Variants in TNC observed in about 807,000 individuals in gnomAD.
TNC encodes tenascin.
Under a neutral mutation model 202.4 loss-of-function variants are expected in TNC, and 109 were observed. That is an observed-to-expected ratio of 0.54 (90% CI 0.46 to 0.63). TNC has a LOEUF of 0.63. Among genes scored for constraint, TNC ranks in the 30% least tolerant of loss-of-function variants. The pLI, the probability that TNC is intolerant of heterozygous loss-of-function variation, is 0.00. For synonymous variants in TNC, 1,007 were observed against 1,089.7 expected (o/e 0.92, Z 1.50); for missense variants, 2,756 against 2,833.3 (o/e 0.97, Z 0.62).
chr9:115,051,309 C>T (rs1009993565), intron 15 of TNC, among the ~76,000 whole-genome samples: 1 of 152,026 alleles, frequency 6.6e-6, no homozygotes, highest in Admixed American at 6.6e-5. Flanking sequence ...ATCTTCCAAC[C>T]CCGATCACAT....
chr9:115,082,460 G>A (rs953750125), intron 5 of TNC, among the ~76,000 whole-genome samples: 31 of 152,146 alleles, frequency 2.0e-4, no homozygotes, highest in African/African-American at 7.0e-4. Flanking sequence ...GAACCTTGAG[G>A]TGACAACTTC....
chr9:115,104,764 A>G (rs1836487308), intron 1 of TNC, among the ~76,000 whole-genome samples: 1 of 152,180 alleles, frequency 6.6e-6, no homozygotes, highest in African/African-American at 2.4e-5. Context: ...AAAGAGTAAT[A>G]GTGTAGAGGT....
At position 115,100,658 on chromosome 9, in the gene TNC, C is replaced by T. The variant is rs58241733; in HGVS notation, c.-136-9504G>A. On this transcript the variant is annotated intron_variant, in intron 1 of 27. Transcript: ENST00000350763. ...TTCAAAAAGGAGTGCATATGTACGGCATGGTGACTACAGTTAATAATAATG... is the reference window on the plus strand; with the variant it reads ...TTCAAAAAGGAGTGCATATGTACGGTATGGTGACTACAGTTAATAATAATG... Among the ~76,000 whole-genome samples the T allele has an allele frequency of 1.6e-4, 25 of 152,214 alleles. No homozygotes were observed. The East Asian group carries it at 4.3e-3, about 26-fold the overall frequency.
Position 115,064,833 on chromosome 9 carries a change from A to G in TNC, c.3301T>C (p.Tyr1101His). The G allele has an allele frequency of 6.2e-7, 1 of 1,614,172 alleles. No homozygotes were observed. The change falls in exon 11 of 28, where the codon TAT becomes CAT. Residue 1101 changes from tyrosine (Y) to histidine (H), a missense_variant. Physicochemically the swap from Tyr to His is moderately conservative, Grantham distance 83. Coordinates refer to ENST00000350763, the MANE Select transcript of TNC (RefSeq NM_002160.4). ...TGCACCTGAATGATAAAGTGCTCATAGGCCTGGTCAGCTGCGGTCCAGTTG... is the reference window on the plus strand; with the variant it reads ...TGCACCTGAATGATAAAGTGCTCATGGGCCTGGTCAGCTGCGGTCCAGTTG... ...RLNWTAADQA[Y>H]EHFIIQVQEA...
At chr9:115,042,731 A>G (rs1476492905) in intron 17 of TNC, among the ~76,000 whole-genome samples, 1 of 152,186 alleles carries the variant, frequency 6.6e-6, no homozygotes, top group Non-Finnish European at 1.5e-5. Context: ...TGACAACTGT[A>G]CAGTTCTTTG....
chr9:115,068,147 C>T (rs1248122688), intron 10 of TNC, among the ~76,000 whole-genome samples: 1 of 152,198 alleles, frequency 6.6e-6, no homozygotes, highest in Non-Finnish European at 1.5e-5. Flanking sequence ...AAATGACATA[C>T]TGTGGACTTA....
In TNC at chr9:115,042,308, TC is replaced by T. The variant is rs1564427242; in HGVS notation, c.5158del (p.Asp1720ThrfsTer36). 6.2e-7 allele frequency: 1 copy of T among 1,614,112 alleles called. No homozygotes were observed. The highest frequency in any genetic ancestry group is 2.2e-5 in the East Asian group (1 of 44,862). On this transcript the variant is annotated frameshift_variant, in exon 18 of 28. Coordinates refer to ENST00000350763, the MANE Select transcript of TNC (RefSeq NM_002160.4). LOFTEE classifies it high-confidence loss of function. ...GACAGTAGCCGAATTTTCAGTGATG[TC>T]TGAGAAAATGACTTCCTTTGGGGAG... is the stretch of plus-strand genomic sequence containing the variant. ...MGSPKEVIFS[D>X]ITENSATVSW...
chr9:115,065,280 C>T (rs1050501410), intron 10 of TNC, among the ~76,000 whole-genome samples: 2 of 152,052 alleles, frequency 1.3e-5, no homozygotes, highest in Non-Finnish European at 2.9e-5. Context: ...CCTGTAATCC[C>T]AGCTACTCAG....
At chr9:115,080,531 A>G (rs1395196603) in intron 6 of TNC, among the ~76,000 whole-genome samples, 1 of 152,198 alleles carries the variant, frequency 6.6e-6, no homozygotes, top group Non-Finnish European at 1.5e-5. Context: ...AGAGTCGATT[A>G]CTTAAAGAGT....
At chr9:115,099,704 A>G (rs1320068912) in intron 1 of TNC, among the ~76,000 whole-genome samples, 1 of 152,202 alleles carries the variant, frequency 6.6e-6, no homozygotes, top group Non-Finnish European at 1.5e-5. Context: ...CAAATACTTA[A>G]AAGGATGGAG....
intron 1 of TNC, among the ~76,000 whole-genome samples, chr9:115,108,583 G>A (rs1412245401): frequency 3.9e-5 from 6 of 152,092 alleles, no homozygotes; most frequent in Non-Finnish European, 7.4e-5. Flanking sequence ...TTTCTTCTTA[G>A]CAAATATCAC....
chr9:115,085,851 C>A lies in TNC; in HGVS notation c.1867+13G>T, dbSNP rs754949374. On this transcript the variant is annotated intron_variant, in intron 3 of 27. Transcript: ENST00000350763. ...CATGGCCATTATATGCTGGTCTGCG[C>A]CCTGGCACTCACCCTCTGAGCAGTC... The A allele has an allele frequency of 8.1e-6, 13 of 1,595,312 alleles. No homozygotes were observed. In the Admixed American group the frequency reaches 1.2e-4, roughly 14 times the overall value.
rs749847781 is a variant in TNC at position 115,040,937 on chromosome 9, T to G, written c.5392+4A>C. On this transcript the variant is annotated splice_donor_region_variant and intron_variant, in intron 19 of 27. Transcript: ENST00000350763. ...CACACACACACACAACCCCACCAAC[T>G]CACCTGTGGTGAATGACCCTGAGAC... 2 of 1,609,328 alleles carry G rather than the reference T, an allele frequency of 1.2e-6. No homozygotes were observed. The highest frequency in any genetic ancestry group is 1.7e-6 in the Non-Finnish European group (2 of 1,177,724).
intron 6 of TNC, among the ~76,000 whole-genome samples, chr9:115,080,978 C>A (rs1243793745): frequency 6.6e-6 from 1 of 151,940 alleles, no homozygotes; most frequent in African/African-American, 2.4e-5. Flanking sequence ...ACTGCTAAAT[C>A]CTATTCTACT....
At chr9:115,032,570 C>T (rs1830030664) in intron 22 of TNC, among the ~76,000 whole-genome samples, 1 of 152,152 alleles carries the variant, frequency 6.6e-6, no homozygotes, top group African/African-American at 2.4e-5. Flanking sequence ...GATGCCTGGG[C>T]CTCATCTCAG....
intron 27 of TNC, among the ~76,000 whole-genome samples, chr9:115,023,005 C>T (rs146393424): frequency 6.6e-6 from 1 of 150,788 alleles, no homozygotes; most frequent in African/African-American, 2.5e-5. Context: ...CTGCCTCCCC[C>T]CTGACCCCAC....
intron 16 of TNC, among the ~76,000 whole-genome samples, chr9:115,048,015 G>T (rs930607293): frequency 6.6e-6 from 1 of 152,130 alleles, no homozygotes; most frequent in Non-Finnish European, 1.5e-5. Context: ...GACAAGACAA[G>T]GTCTAAAGGA....
chr9:115,102,759 C>G (rs1262208231), intron 1 of TNC, among the ~76,000 whole-genome samples: 1 of 152,154 alleles, frequency 6.6e-6, no homozygotes, highest in Non-Finnish European at 1.5e-5. Flanking sequence ...TGTATGTAGA[C>G]TATAAGCTCT....
chr9:115,030,801 G>A (rs1248331425), intron 23 of TNC, among the ~76,000 whole-genome samples: 1 of 152,140 alleles, frequency 6.6e-6, no homozygotes, highest in African/African-American at 2.4e-5. Context: ...TCAAAGGCAG[G>A]GCTCTCCAAA....
Sources: allele counts gnomAD v4.1 joint callset (sites outside exome capture counted in the v4.1 genomes callset), GRCh38; gene constraint gnomAD v4.1.1; transcripts MANE v1.5; gene names NCBI Gene and HGNC (gene_info 2026-07-23, HGNC 2026-07-21).